Variants in FAM3C observed in about 807,000 individuals in gnomAD.
FAM3C encodes the protein FAM3 metabolism regulating signaling molecule C, also known as protein FAM3C.
A neutral mutation model predicts 32.5 loss-of-function variants in FAM3C; 15 were observed. The ratio of observed to expected loss-of-function variants is 0.46; its 90% CI spans 0.31 to 0.71. The LOEUF (loss-of-function observed/expected upper bound fraction) is 0.71, where lower values mean the gene tolerates loss of function less well. Among genes scored for constraint, FAM3C ranks in the 30% least tolerant of loss-of-function variants. FAM3C has a pLI of 0.05. For synonymous variants in FAM3C, 75 were observed against 86.1 expected (o/e 0.87, Z 0.72); for missense variants, 175 against 274.4 (o/e 0.64, Z 2.56).
chr7:121,386,319 G>T (rs1037551161), intron 1 of FAM3C, among the ~76,000 whole-genome samples: 2 of 152,032 alleles, frequency 1.3e-5, no homozygotes, highest in Non-Finnish European at 2.9e-5. Context: ...ACTCAGTGCT[G>T]GACAAATGAC....
chr7:121,353,119 G>A (rs1793740785), intron 8 of FAM3C, among the ~76,000 whole-genome samples: 2 of 152,084 alleles, frequency 1.3e-5, no homozygotes, highest in African/African-American at 4.8e-5. Context: ...AATGATGAAT[G>A]TGAAGTTCAC....
chr7:121,394,157 A>G (rs1794637940), intron 1 of FAM3C, among the ~76,000 whole-genome samples: 1 of 152,252 alleles, frequency 6.6e-6, no homozygotes. Flanking sequence ...TAGGCACTCC[A>G]GTATTTTTAA....
intron 1 of FAM3C, 108 bp from the exon 2 acceptor site, chr7:121,383,118 T>G (rs1794390919): frequency 3.5e-6 from 2 of 570,746 alleles, no homozygotes; most frequent in African/African-American, 2.0e-5. Flanking sequence ...ATGACATTTC[T>G]AAGTATTATG....
intron 8 of FAM3C, among the ~76,000 whole-genome samples, chr7:121,357,278 C>T (rs1162897277): frequency 6.6e-5 from 10 of 152,076 alleles, no homozygotes; most frequent in Admixed American, 5.2e-4. Context: ...AACATGCCAC[C>T]CAACTTTCTC....
intron 5 of FAM3C, among the ~76,000 whole-genome samples, chr7:121,365,510 GAGAAAGCACTAA>G (rs1794006924): frequency 6.6e-6 from 1 of 151,990 alleles, no homozygotes; most frequent in African/African-American, 2.4e-5. Context: ...TGTGTAAAGA[GAGAAAGCACTAA>G]AGAAGCTATA....
intron 3 of FAM3C, among the ~76,000 whole-genome samples, chr7:121,374,556 AAT>A (rs1220196374): frequency 6.6e-6 from 1 of 152,236 alleles, no homozygotes; most frequent in East Asian, 1.9e-4. Flanking sequence ...TACTGGATTA[AAT>A]ATGTTAACCT....
At chr7:121,372,456 T>C (rs957905182) in intron 3 of FAM3C, among the ~76,000 whole-genome samples, 15 of 152,192 alleles carry the variant, frequency 9.9e-5, no homozygotes, top group Admixed American at 3.9e-4. Context: ...CCTTTCAATG[T>C]TTATAAATAT....
intron 2 of FAM3C, among the ~76,000 whole-genome samples, chr7:121,381,985 C>T (rs943798195): frequency 6.6e-5 from 10 of 152,220 alleles, no homozygotes; most frequent in African/African-American, 1.9e-4. Context: ...CTAAGAGATG[C>T]TCCCTTAGGA....
chr7:121,356,278 G>C (rs567921995), intron 8 of FAM3C, among the ~76,000 whole-genome samples: 1 of 152,196 alleles, frequency 6.6e-6, no homozygotes, highest in East Asian at 1.9e-4. Flanking sequence ...TTTTAAGAGA[G>C]ACAATAATCA....
At chr7:121,370,258 C>T (rs577068332) in intron 5 of FAM3C, among the ~76,000 whole-genome samples, 3 of 152,172 alleles carry the variant, frequency 2.0e-5, no homozygotes, top group Non-Finnish European at 4.4e-5. Flanking sequence ...CAGTACAGAC[C>T]TTAATGATCA....
At chr7:121,373,686 G>A (rs1794188916) in intron 3 of FAM3C, among the ~76,000 whole-genome samples, 1 of 152,032 alleles carries the variant, frequency 6.6e-6, no homozygotes, top group African/African-American at 2.4e-5. Flanking sequence ...TATACCAATG[G>A]TTTAAATCTG....
At chr7:121,380,093 A>T (rs1382270822) in intron 2 of FAM3C, 1 of 152,186 alleles carries the variant, frequency 6.6e-6, no homozygotes, top group Admixed American at 6.5e-5. Flanking sequence ...GTATACACTG[A>T]TACTATCAAC....
chr7:121,384,988 A>G (rs149225538), intron 1 of FAM3C, among the ~76,000 whole-genome samples: 10 of 152,244 alleles, frequency 6.6e-5, no homozygotes, highest in Admixed American at 6.5e-4. Context: ...TTTACATACA[A>G]TTATCTTGTA....
At position 121,349,121 on chromosome 7, in the gene FAM3C, C is replaced by A. The variant is rs1188446740; in HGVS notation, c.*1340G>T. ...AAGGAAGAAACAGTACTCCAAAGTT[C>A]ATCAATATTTAAGAAATTATCCGAA... On this transcript the variant is annotated 3_prime_UTR_variant, in exon 10 of 10. Transcript: ENST00000359943. 2 of 152,284 alleles carry A rather than the reference C, an allele frequency of 1.3e-5. No homozygotes were observed. Among genetic ancestry groups the A allele is most frequent in the Non-Finnish European group, 1.5e-5 (1 of 67,944 alleles). 9.4% of individuals were successfully genotyped at this position (152,284 alleles called of 1,614,324 possible).
At chr7:121,390,624 C>A (rs536712180) in intron 1 of FAM3C, among the ~76,000 whole-genome samples, 3 of 151,974 alleles carry the variant, frequency 2.0e-5, no homozygotes, top group Non-Finnish European at 4.4e-5. Context: ...GTTCTTTGAA[C>A]CTCTTACTAC....
chr7:121,390,441 A>G (rs1794551435), intron 1 of FAM3C, among the ~76,000 whole-genome samples: 1 of 152,206 alleles, frequency 6.6e-6, no homozygotes, highest in Non-Finnish European at 1.5e-5. Flanking sequence ...CAAAGATGGT[A>G]ACAGCCCTTT....
chr7:121,367,026 C>T (rs142033107), intron 5 of FAM3C, among the ~76,000 whole-genome samples: 1 of 152,112 alleles, frequency 6.6e-6, no homozygotes, highest in Non-Finnish European at 1.5e-5. Context: ...AGGCTTCCCA[C>T]AAGAGGGCAG....
rs367645717 is a variant in FAM3C, at chr7:121,392,566, G to GT, written c.-42+3595dup. Reference sequence around the variant, plus strand: ...GGGACGCAGAACCAAACCACACCACGTATCAACTGAACCAACTTAAAAATC... The same window carrying GT: ...GGGACGCAGAACCAAACCACACCACGTTATCAACTGAACCAACTTAAAAATC... On this transcript the variant is annotated intron_variant, in intron 1 of 9. Transcript: ENST00000359943. 3.2e-3 allele frequency among the ~76,000 whole-genome samples: 489 copies of GT among 152,250 alleles called. 3 individuals are homozygous for GT. The highest frequency in any genetic ancestry group is 0.011 in the African/African-American group (445 of 41,540).
At chr7:121,380,649 A>T (rs1430182360) in intron 2 of FAM3C, among the ~76,000 whole-genome samples, 1 of 151,650 alleles carries the variant, frequency 6.6e-6, no homozygotes, top group African/African-American at 2.4e-5. Context: ...AGCCCCTGTG[A>T]CACTCAATTT....
Sources: allele counts gnomAD v4.1 joint callset (sites outside exome capture counted in the v4.1 genomes callset), GRCh38; gene constraint gnomAD v4.1.1; transcripts MANE v1.5; gene names NCBI Gene and HGNC (gene_info 2026-07-23, HGNC 2026-07-21).